HPSE2: variants seen among roughly 807,000 people sequenced by gnomAD.
HPSE2 encodes heparanase 2 (inactive).
A neutral mutation model predicts 60.5 loss-of-function variants in HPSE2; 38 were observed. The ratio of observed to expected loss-of-function variants is 0.63; its 90% CI spans 0.48 to 0.82. The LOEUF is 0.82. Among genes scored for constraint, HPSE2 ranks in the 40% least tolerant of loss-of-function variants. The pLI, the probability that HPSE2 is intolerant of heterozygous loss-of-function variation, is 0.00. For synonymous variants in HPSE2, 295 were observed against 293.2 expected (o/e 1.01, Z -0.06); for missense variants, 713 against 740.4 (o/e 0.96, Z 0.43).
chr10:98,659,450 T>C (rs1192173741), intron 6 of HPSE2, among the ~76,000 whole-genome samples: 1 of 152,262 alleles, frequency 6.6e-6, no homozygotes, highest in East Asian at 1.9e-4. Flanking sequence ...ACTGGCTTCC[T>C]TCACTTAATG....
chr10:98,872,412 C>T (rs1736787168), intron 3 of HPSE2, among the ~76,000 whole-genome samples: 1 of 152,040 alleles, frequency 6.6e-6, no homozygotes, highest in Non-Finnish European at 1.5e-5. Context: ...GAAATTTAGT[C>T]AATTTTCTGT....
chr10:99,018,990 A>C (rs1019748172), intron 3 of HPSE2, among the ~76,000 whole-genome samples: 1 of 152,212 alleles, frequency 6.6e-6, no homozygotes, highest in African/African-American at 2.4e-5. Flanking sequence ...GATGTACTAA[A>C]TGCATACTCA....
chr10:99,214,779 A>G (rs1472336808), intron 2 of HPSE2, among the ~76,000 whole-genome samples: 2 of 152,184 alleles, frequency 1.3e-5, no homozygotes, highest in Non-Finnish European at 2.9e-5. Flanking sequence ...TGGGTGAAGG[A>G]TATGAACAGA....
intron 3 of HPSE2, among the ~76,000 whole-genome samples, chr10:99,132,214 AGAGAGAGAGAG>A (rs1845452491): frequency 1.8e-4 from 6 of 32,658 alleles, no homozygotes; most frequent in South Asian, 1.9e-3. Flanking sequence ...AGAGAGAGAG[AGAGAGAGAGAG>A]AGAGAGAGAG....
chr10:98,558,407 C>T (rs1210210961), intron 9 of HPSE2, among the ~76,000 whole-genome samples: 1 of 152,166 alleles, frequency 6.6e-6, no homozygotes, highest in Non-Finnish European at 1.5e-5. Flanking sequence ...GTGGTATATT[C>T]AAGTGAGATA....
intron 3 of HPSE2, among the ~76,000 whole-genome samples, chr10:99,072,927 CAAAAAAAAAAAAAAAAAAAAAA>C (rs770699941): frequency 9.1e-5 from 8 of 88,054 alleles, no homozygotes; most frequent in African/African-American, 3.9e-4. Context: ...GGCTCCGTCT[CAAAAAAAAAAAAAAAAAAAAAA>C]AAAAAAAAAA....
At chr10:99,239,199 A>C, upstream of HPSE2, among the ~76,000 whole-genome samples, 1 of 151,886 alleles carries the variant, frequency 6.6e-6, no homozygotes, top group South Asian at 2.1e-4. Flanking sequence ...AAAATAAAAT[A>C]TGAACTCTCA....
At chr10:98,774,305 T>A (rs1186133182) in intron 3 of HPSE2, among the ~76,000 whole-genome samples, 1 of 151,882 alleles carries the variant, frequency 6.6e-6, no homozygotes, top group Non-Finnish European at 1.5e-5. Flanking sequence ...AAGAGAAAAA[T>A]TCCTATTTGC....
At chr10:98,717,439 T>A (rs1233780209) in intron 5 of HPSE2, among the ~76,000 whole-genome samples, 1 of 152,168 alleles carries the variant, frequency 6.6e-6, no homozygotes, top group South Asian at 2.1e-4. Flanking sequence ...GCTTTCAACA[T>A]GCCTTCCTCA....
At chr10:98,854,294 G>T (rs1952254242) in intron 3 of HPSE2, among the ~76,000 whole-genome samples, 1 of 152,130 alleles carries the variant, frequency 6.6e-6, no homozygotes, top group Non-Finnish European at 1.5e-5. Flanking sequence ...TATCTCAAGG[G>T]TCAAGAGATT....
At chr10:98,828,266 T>C (rs1031000782) in intron 3 of HPSE2, among the ~76,000 whole-genome samples, 3 of 152,238 alleles carry the variant, frequency 2.0e-5, no homozygotes, top group African/African-American at 4.8e-5. Context: ...TGTTCATGTA[T>C]ATTGTCTTAT....
chr10:98,477,407 G>C (rs1004790011), intron 11 of HPSE2, among the ~76,000 whole-genome samples: 1 of 152,142 alleles, frequency 6.6e-6, no homozygotes, highest in Admixed American at 6.5e-5. Flanking sequence ...AAGGCTGGGG[G>C]AGAGAGCCAG....
intron 3 of HPSE2, among the ~76,000 whole-genome samples, chr10:99,042,228 G>A (rs963618961): frequency 2.6e-5 from 4 of 152,000 alleles, no homozygotes; most frequent in Non-Finnish European, 5.9e-5. Context: ...CACGACAGCC[G>A]TCCTATGGAG....
the HPSE2 span, among the ~76,000 whole-genome samples, chr10:99,259,613 A>G: frequency 3.2e-4 from 48 of 152,208 alleles, no homozygotes; most frequent in African/African-American, 1.0e-3. Context: ...ATGCAATACC[A>G]AGATGTCATG....
the HPSE2 span, among the ~76,000 whole-genome samples, chr10:99,250,486 G>C: frequency 6.6e-6 from 1 of 152,220 alleles, no homozygotes; most frequent in South Asian, 2.1e-4. Context: ...ACTTAAACAT[G>C]ACACTTGACC....
intron 9 of HPSE2, among the ~76,000 whole-genome samples, chr10:98,525,887 A>G (rs562175678): frequency 1.3e-4 from 20 of 152,330 alleles, no homozygotes; most frequent in African/African-American, 4.8e-4. Context: ...TTGAACTTCA[A>G]TTTTTTGATG....
chr10:98,898,197 T>TA (rs1953551640), intron 3 of HPSE2, among the ~76,000 whole-genome samples: 1 of 152,148 alleles, frequency 6.6e-6, no homozygotes, highest in Admixed American at 6.6e-5. Flanking sequence ...AACATAGTCT[T>TA]ACCTTACAAT....
intron 3 of HPSE2, among the ~76,000 whole-genome samples, chr10:98,775,728 C>T (rs183776229): frequency 3.3e-5 from 5 of 152,148 alleles, no homozygotes; most frequent in East Asian, 3.9e-4. Flanking sequence ...TATTGTAGTC[C>T]GAAATTTAAA....
intron 3 of HPSE2, among the ~76,000 whole-genome samples, chr10:98,789,096 G>A (rs1950599371): frequency 6.6e-6 from 1 of 152,132 alleles, no homozygotes; most frequent in Non-Finnish European, 1.5e-5. Context: ...AGCTCCATGA[G>A]GACAGAAATT....
Sources: gnomAD v4.1 joint callset for allele counts (sites outside exome capture counted in the v4.1 genomes callset) on GRCh38, gnomAD v4.1.1 for gene constraint, MANE v1.5 for transcripts, NCBI Gene and HGNC (gene_info 2026-07-23, HGNC 2026-07-21) for gene names.